The following ZC3H12A variants were observed in gnomAD, a reference collection of about 807,000 sequenced individuals.
ZC3H12A encodes the protein endoribonuclease ZC3H12A.
ZC3H12A carries 9 observed loss-of-function variants against 29.9 expected under a neutral mutation model. That is an observed-to-expected ratio of 0.30 (90% CI 0.18 to 0.53). The LOEUF (loss-of-function observed/expected upper bound fraction) is 0.53. ZC3H12A is among the 20% of genes least tolerant of loss of function. The pLI is 0.96. For synonymous variants in ZC3H12A, 323 were observed against 338.1 expected (o/e 0.96, Z 0.49); for missense variants, 617 against 799.0 (o/e 0.77, Z 2.75).
At position 37,476,017 on chromosome 1, in the gene ZC3H12A, C is replaced by A; in HGVS notation, c.443+78C>A. 1 of 1,355,616 alleles carries A rather than the reference C, an allele frequency of 7.4e-7. No homozygotes were observed. The highest frequency in any genetic ancestry group is 9.7e-7 in the Non-Finnish European group (1 of 1,026,566). 84.0% of individuals were successfully genotyped at this position (1,355,616 alleles called of 1,614,324 possible). On this transcript the variant is annotated intron_variant, in intron 2 of 5. Coordinates refer to ENST00000373087, the MANE Select transcript of ZC3H12A (RefSeq NM_025079.3). The surrounding 1 kb of genome is among the most constrained non-coding windows in gnomAD (Gnocchi z 6.0). ...CCAGGACACATGGAAGGATGACTGT[C>A]TCTGCAGCTCTGGTGGGCTGGAAGA...
In ZC3H12A at chr1:37,484,240, A is replaced by G. The variant is rs1641780201; in HGVS notation, c.*629A>G. ...TCTTCTTCTCCTCCATCCTTTATTC[A>G]GAGTCATCTCGCCCTTCCCCATGGG... On this transcript the variant is annotated 3_prime_UTR_variant, in exon 6 of 6. Transcript: ENST00000373087. 6.6e-6 allele frequency: 1 copy of G among 152,176 alleles called. No individual in the cohort carries two copies. Among genetic ancestry groups the G allele is most frequent in the Admixed American group, 6.5e-5 (1 of 15,280 alleles). The allele number at this position is 152,176 out of a possible 1,614,324, so 9.4% of individuals were successfully genotyped here. A position where few individuals can be genotyped will look rare whatever the true frequency, so the allele number is the denominator to read the frequency against.
In ZC3H12A at chr1:37,479,987, C is replaced by T. The variant is rs377670064; in HGVS notation, c.444-303C>T. 32 of 1,119,006 alleles carry T rather than the reference C, an allele frequency of 2.9e-5. No individual in the cohort carries two copies. Among genetic ancestry groups the T allele is most frequent in the Middle Eastern group, 3.8e-4 (1 of 2,610 alleles). 69.3% of individuals were successfully genotyped at this position (1,119,006 alleles called of 1,614,324 possible). ...GGAGCAGTGCTGCCAGCTTCCTGGGCGCTTCCTCACTTTCAGGAGATGGAG... is the reference window on the plus strand; with the variant it reads ...GGAGCAGTGCTGCCAGCTTCCTGGGTGCTTCCTCACTTTCAGGAGATGGAG... On this transcript the variant is annotated intron_variant, in intron 2 of 5. Coordinates refer to ENST00000373087, the MANE Select transcript of ZC3H12A (RefSeq NM_025079.3). The surrounding 1 kb of genome is among the most constrained non-coding windows in gnomAD (Gnocchi z 4.5).
At chr1:37,481,879 G>A (rs1323712160) in intron 4 of ZC3H12A, 44 bp downstream of exon 4, 6 of 1,577,396 alleles carry the variant, frequency 3.8e-6, no homozygotes, top group Non-Finnish European at 5.2e-6. Flanking sequence ...GGGTCCACAG[G>A]GGAAGCCAGA....
intron 4 of ZC3H12A, among the ~76,000 whole-genome samples, 175 bp downstream of exon 4, chr1:37,482,010 G>A (rs78470757): frequency 0.012 from 1,878 of 152,338 alleles, 52 homozygotes; most frequent in African/African-American, 0.044. Flanking sequence ...CCACATAGGA[G>A]AAATCAGACC....
intron 3 of ZC3H12A, among the ~76,000 whole-genome samples, chr1:37,480,927 G>A (rs1485958607): frequency 6.6e-6 from 1 of 152,348 alleles, no homozygotes; most frequent in Non-Finnish European, 1.5e-5. Context: ...GCTGAGAAGA[G>A]TACCTGGCAC....
chr1:37,475,397 G>A lies in ZC3H12A; in HGVS notation c.-38-62G>A. ...CCAATCCCTCATCCTGCTGGATGTGGTTTTGGGAGGGAGGTTAGGAGAGAG... is the reference window on the plus strand; with the variant it reads ...CCAATCCCTCATCCTGCTGGATGTGATTTTGGGAGGGAGGTTAGGAGAGAG... On this transcript the variant is annotated intron_variant, in intron 1 of 5. Transcript: ENST00000373087. This position sits in a 1 kb window ranked among gnomAD's most constrained non-coding sequence, Gnocchi z 5.2. The A allele has an allele frequency of 1.5e-6, 2 of 1,320,824 alleles. No homozygotes were observed. Among genetic ancestry groups the A allele is most frequent in the Non-Finnish European group, 2.1e-6 (2 of 967,648 alleles). The allele number at this position is 1,320,824 out of a possible 1,614,324, so 81.8% of individuals were successfully genotyped here.
rs1269340554 is a variant in ZC3H12A, at chr1:37,484,319, A to G, written c.*708A>G. The G allele has an allele frequency of 3.9e-5, 6 of 152,274 alleles. No individual in the cohort carries two copies. The highest frequency in any genetic ancestry group is 8.8e-5 in the Non-Finnish European group (6 of 68,064). 9.4% of individuals were successfully genotyped at this position (152,274 alleles called of 1,614,324 possible). On this transcript the variant is annotated 3_prime_UTR_variant, in exon 6 of 6. Transcript: ENST00000373087. Reference sequence around the variant, plus strand: ...CATGTAAATTTTAAATATTTTAAGCAGAAAGTCCTTACCTCCTGTAACACA... The same window carrying G: ...CATGTAAATTTTAAATATTTTAAGCGGAAAGTCCTTACCTCCTGTAACACA...
At position 37,478,939 on chromosome 1, in the gene ZC3H12A, T is replaced by G. The variant is rs1641645014; in HGVS notation, c.444-1351T>G. 1 of 985,138 alleles carries G rather than the reference T, an allele frequency of 1.0e-6. No homozygotes were observed. The highest frequency in any genetic ancestry group is 1.7e-5 in the African/African-American group (1 of 57,180). 61.0% of individuals were successfully genotyped at this position (985,138 alleles called of 1,614,324 possible). A position where few individuals can be genotyped will look rare whatever the true frequency, so the allele number is the denominator to read the frequency against. ...TTGTCTCCCCTACAATTTAGAGACC[T>G]TCAGACCCTGGTGCCCCAGTCTTGC... On this transcript the variant is annotated intron_variant, in intron 2 of 5. Coordinates refer to ENST00000373087, the MANE Select transcript of ZC3H12A (RefSeq NM_025079.3). The surrounding 1 kb of genome is among the most constrained non-coding windows in gnomAD (Gnocchi z 5.2).
At position 37,479,089 on chromosome 1, in the gene ZC3H12A, G is replaced by A. The variant is rs1207760016; in HGVS notation, c.444-1201G>A. Reference sequence around the variant, plus strand: ...ACACCCACAGGATGTGGTTGGCCCTGGACTTGCCTCTTTTGCGTAACATTT... The same window carrying A: ...ACACCCACAGGATGTGGTTGGCCCTAGACTTGCCTCTTTTGCGTAACATTT... On this transcript the variant is annotated intron_variant, in intron 2 of 5. Coordinates refer to ENST00000373087, the MANE Select transcript of ZC3H12A (RefSeq NM_025079.3). This position sits in a 1 kb window ranked among gnomAD's most constrained non-coding sequence, Gnocchi z 4.5. The A allele has an allele frequency of 1.0e-6, 1 of 985,192 alleles. No homozygotes were observed. The highest frequency in any genetic ancestry group is 1.7e-5 in the African/African-American group (1 of 57,172). The allele number at this position is 985,192 out of a possible 1,614,324, so 61.0% of individuals were successfully genotyped here. A position where few individuals can be genotyped will look rare whatever the true frequency, so the allele number is the denominator to read the frequency against.
At chr1:37,474,889 G>T (rs1311863769) in intron 1 of ZC3H12A, among the ~76,000 whole-genome samples, 1 of 152,156 alleles carries the variant, frequency 6.6e-6, no homozygotes, top group Non-Finnish European at 1.5e-5. Flanking sequence ...TCTCGGGCCG[G>T]GACAGCCTCG....
At position 37,479,923 on chromosome 1, in the gene ZC3H12A, C is replaced by T. The variant is rs1033195177; in HGVS notation, c.444-367C>T. 5 of 1,027,780 alleles carry T rather than the reference C, an allele frequency of 4.9e-6. No individual in the cohort carries two copies. The African/African-American group carries it at 8.5e-5, about 17-fold the overall frequency. The allele number at this position is 1,027,780 out of a possible 1,614,324, so 63.7% of individuals were successfully genotyped here. A position where few individuals can be genotyped will look rare whatever the true frequency, so the allele number is the denominator to read the frequency against. ...TCTCGCGGCACCTTTCCCCCACCCC[C>T]AGGTGTGTTGCAAGTGGCCTGGCCC... On this transcript the variant is annotated intron_variant, in intron 2 of 5. Transcript: ENST00000373087. The surrounding 1 kb of genome is among the most constrained non-coding windows in gnomAD (Gnocchi z 4.5).
chr1:37,481,430 A>G (rs1557594749), intron 3 of ZC3H12A, among the ~76,000 whole-genome samples, 171 bp from the exon 4 acceptor site: 1 of 152,218 alleles, frequency 6.6e-6, no homozygotes, highest in Non-Finnish European at 1.5e-5. Flanking sequence ...AAACTGTGCC[A>G]CGCCAAGGGA....
chr1:37,483,802 T>C lies in ZC3H12A; in HGVS notation c.*191T>C. On this transcript the variant is annotated 3_prime_UTR_variant, in exon 6 of 6. Transcript: ENST00000373087. Reference sequence around the variant, plus strand: ...TTGGTTCTGGCCCATGCAGCACCTCTAGCTGTCTGCCTCAGTGGGTCAGAA... The same window carrying C: ...TTGGTTCTGGCCCATGCAGCACCTCCAGCTGTCTGCCTCAGTGGGTCAGAA... 1 of 708,360 alleles carries C rather than the reference T, an allele frequency of 1.4e-6. No individual in the cohort carries two copies. Among genetic ancestry groups the C allele is most frequent in the Non-Finnish European group, 2.3e-6 (1 of 441,564 alleles). The allele number at this position is 708,360 out of a possible 1,614,324, so 43.9% of individuals were successfully genotyped here.
At position 37,479,511 on chromosome 1, in the gene ZC3H12A, C is replaced by A. The variant is rs1008000928; in HGVS notation, c.444-779C>A. ...ACTCAGCTGTCCTTGCTAAGAGTCC[C>A]CTAGCATCTTCCTGATGGTCTTTCT... is the stretch of plus-strand genomic sequence containing the variant. On this transcript the variant is annotated intron_variant, in intron 2 of 5. Coordinates refer to ENST00000373087, the MANE Select transcript of ZC3H12A (RefSeq NM_025079.3). This position sits in a 1 kb window ranked among gnomAD's most constrained non-coding sequence, Gnocchi z 4.5. 3 of 985,288 alleles carry A rather than the reference C, an allele frequency of 3.0e-6. No individual in the cohort carries two copies. In the African/African-American group the frequency reaches 5.2e-5, roughly 17 times the overall value. The allele number at this position is 985,288 out of a possible 1,614,324, so 61.0% of individuals were successfully genotyped here.
chr1:37,483,013 C>G lies in ZC3H12A; in HGVS notation c.1202C>G (p.Ser401Ter), dbSNP rs867092742. 1.9e-6 allele frequency: 3 copies of G among 1,608,396 alleles called. No homozygotes were observed. The highest frequency in any genetic ancestry group is 2.7e-5 in the African/African-American group (2 of 74,764). The stretch of plus-strand genomic sequence containing the variant: ...GGTCTAACACAGACCTATGCCCCAT[C>G]AGGCAGGAGCCTCGCACCTAGCGGG... ...QEGLTQTYAP[S>*]GRSLAPSGGS... The change falls in exon 6 of 6, where the codon TCA becomes TGA. Residue 401 changes from serine to a stop codon, truncating the protein, a stop_gained. Coordinates refer to ENST00000373087, the MANE Select transcript of ZC3H12A (RefSeq NM_025079.3). LOFTEE classifies it low-confidence loss of function (END_TRUNC).
At chr1:37,477,776 G>A (rs1276568785) in intron 2 of ZC3H12A, among the ~76,000 whole-genome samples, 2 of 152,202 alleles carry the variant, frequency 1.3e-5, no homozygotes, top group Non-Finnish European at 2.9e-5. Context: ...GTTTTCCTGT[G>A]CCAGCAGCGC....
chr1:37,479,509 C>G lies in ZC3H12A; in HGVS notation c.444-781C>G, dbSNP rs1641656431. 1.0e-6 allele frequency: 1 copy of G among 985,312 alleles called. No individual in the cohort carries two copies. The highest frequency in any genetic ancestry group is 4.7e-5 in the South Asian group (1 of 21,294). 61.0% of individuals were successfully genotyped at this position (985,312 alleles called of 1,614,324 possible). ...TTACTCAGCTGTCCTTGCTAAGAGTCCCCTAGCATCTTCCTGATGGTCTTT... is the reference window on the plus strand; with the variant it reads ...TTACTCAGCTGTCCTTGCTAAGAGTGCCCTAGCATCTTCCTGATGGTCTTT... On this transcript the variant is annotated intron_variant, in intron 2 of 5. Coordinates refer to ENST00000373087, the MANE Select transcript of ZC3H12A (RefSeq NM_025079.3). This position sits in a 1 kb window ranked among gnomAD's most constrained non-coding sequence, Gnocchi z 4.5.
Position 37,483,495 on chromosome 1 carries a change from G to A in ZC3H12A, c.1684G>A (p.Gly562Ser). ...EQASVYTKLC[G>S]VFPPHLVEAV... The stretch of plus-strand genomic sequence containing the variant: ...GGCCAGCGTGTATACTAAGCTGTGT[G>A]GTGTGTTTCCCCCGCACCTGGTGGA... The change falls in exon 6 of 6, where the codon GGT becomes AGT. Residue 562 changes from glycine (G) to serine (S), a missense_variant. Coordinates refer to ENST00000373087, the MANE Select transcript of ZC3H12A (RefSeq NM_025079.3). 6.2e-7 allele frequency: 1 copy of A among 1,614,006 alleles called. No homozygotes were observed.
chr1:37,475,956 T>C lies in ZC3H12A; in HGVS notation c.443+17T>C, dbSNP rs1641580865. The C allele has an allele frequency of 1.3e-6, 2 of 1,496,092 alleles. No homozygotes were observed. The highest frequency in any genetic ancestry group is 2.3e-5 in the Admixed American group (1 of 43,708). The allele number at this position is 1,496,092 out of a possible 1,614,324, so 92.7% of individuals were successfully genotyped here. A position where few individuals can be genotyped will look rare whatever the true frequency, so the allele number is the denominator to read the frequency against. ...GGCCATGAGGTAAGTGTCACTTCTG[T>C]GGCCAGGACACATGAGGTTCGCATC... On this transcript the variant is annotated intron_variant, in intron 2 of 5. Transcript: ENST00000373087. This position sits in a 1 kb window ranked among gnomAD's most constrained non-coding sequence, Gnocchi z 5.2.
Sources: allele counts gnomAD v4.1 joint callset (sites outside exome capture counted in the v4.1 genomes callset), GRCh38; gene constraint gnomAD v4.1.1; non-coding constraint Gnocchi (gnomAD v3.1); transcripts MANE v1.5; gene names NCBI Gene and HGNC (gene_info 2026-07-23, HGNC 2026-07-21).